Variants in HS3ST3A1 observed in about 807,000 individuals in gnomAD.
The protein encoded by HS3ST3A1 is heparan sulfate-glucosamine 3-sulfotransferase 3A1.
Under a neutral mutation model 25.7 loss-of-function variants are expected in HS3ST3A1, and 19 were observed. The ratio of observed to expected loss-of-function variants is 0.74; its 90% CI spans 0.52 to 1.08. HS3ST3A1 has a LOEUF of 1.08. Among genes scored for constraint, HS3ST3A1 ranks in the 50% least tolerant of loss-of-function variants. The pLI is 0.00. For missense variants in HS3ST3A1, 459 were observed against 594.3 expected (o/e 0.77, Z 2.37); for synonymous variants, 226 against 278.6 (o/e 0.81, Z 1.88).
chr17:13,547,641 G>C (rs1358847007), intron 1 of HS3ST3A1, among the ~76,000 whole-genome samples: 1 of 152,102 alleles, frequency 6.6e-6, no homozygotes, highest in Admixed American at 6.5e-5. Context: ...TTCTTGAGTT[G>C]TATTCTTGAC....
intron 1 of HS3ST3A1, among the ~76,000 whole-genome samples, chr17:13,587,548 AAC>A (rs1481263943): frequency 6.6e-6 from 1 of 152,226 alleles, no homozygotes; most frequent in African/African-American, 2.4e-5. Flanking sequence ...ATGAGTGAAT[AAC>A]ACGCTGTTTC....
intron 1 of HS3ST3A1, among the ~76,000 whole-genome samples, chr17:13,560,304 A>AG (rs1467837121): frequency 1.4e-5 from 2 of 141,456 alleles, no homozygotes; most frequent in Non-Finnish European, 3.1e-5. Context: ...AAAAAAAAAA[A>AG]AAAAAAAAAA....
At chr17:13,506,837 G>A (rs573263492) in intron 1 of HS3ST3A1, among the ~76,000 whole-genome samples, 25 of 151,082 alleles carry the variant, frequency 1.7e-4, no homozygotes, top group East Asian at 9.8e-4. Flanking sequence ...CGGGTGGATC[G>A]CCTGAGCTCA....
chr17:13,505,277 A>T (rs935771651), intron 1 of HS3ST3A1, among the ~76,000 whole-genome samples: 1 of 152,210 alleles, frequency 6.6e-6, no homozygotes, highest in Non-Finnish European at 1.5e-5. Flanking sequence ...GGAACCTGAG[A>T]GAGTTATCCA....
At chr17:13,509,372 T>A (rs1905787527) in intron 1 of HS3ST3A1, among the ~76,000 whole-genome samples, 1 of 151,866 alleles carries the variant, frequency 6.6e-6, no homozygotes, top group African/African-American at 2.4e-5. Flanking sequence ...TAGAGAAAAA[T>A]TAAAAGCACA....
At chr17:13,529,614 T>A (rs1274320670) in intron 1 of HS3ST3A1, among the ~76,000 whole-genome samples, 3 of 152,204 alleles carry the variant, frequency 2.0e-5, no homozygotes, top group Non-Finnish European at 4.4e-5. Context: ...ACTTTAAAAG[T>A]CTACTGTAAA....
chr17:13,582,150 C>T (rs1405966382), intron 1 of HS3ST3A1, among the ~76,000 whole-genome samples: 1 of 151,988 alleles, frequency 6.6e-6, no homozygotes, highest in Non-Finnish European at 1.5e-5. Context: ...GGGGAAACAA[C>T]TCGTTTGGCA....
intron 1 of HS3ST3A1, among the ~76,000 whole-genome samples, chr17:13,588,231 C>T (rs1407795215): frequency 6.6e-6 from 1 of 151,998 alleles, no homozygotes; most frequent in African/African-American, 2.4e-5. Flanking sequence ...ACTGTACCAC[C>T]CACAAAACCT....
In HS3ST3A1 at chr17:13,601,008, C is replaced by A. The variant is rs1473346515; in HGVS notation, c.122G>T (p.Cys41Phe). Residue 41 changes from cysteine (C) to phenylalanine (F), a missense_variant, in exon 1 of 2, where the codon TGC becomes TTC. Physicochemically the swap from Cys to Phe is radical, Grantham distance 205 (BLOSUM62 -2). Transcript: ENST00000284110. ...SLLTSLYVFY[C>F]LAERCQTLSG... is the part of the protein sequence containing the mutation. ...CAGGGTCTGGCAGCGCTCGGCCAGG[C>A]AGTAGAAGACGTAAAGGGACGTGAG... The A allele has an allele frequency of 1.4e-5, 22 of 1,584,276 alleles. No homozygotes were observed. The highest frequency in any genetic ancestry group is 1.9e-5 in the Non-Finnish European group (22 of 1,165,600).
intron 1 of HS3ST3A1, among the ~76,000 whole-genome samples, chr17:13,519,007 A>G (rs1906140690): frequency 6.6e-6 from 1 of 152,232 alleles, no homozygotes; most frequent in Non-Finnish European, 1.5e-5. Context: ...GATAGGCTAT[A>G]TTTGTATATA....
At position 13,496,170 on chromosome 17, in the gene HS3ST3A1, T is replaced by C; in HGVS notation, c.*27A>G. On this transcript the variant is annotated 3_prime_UTR_variant, in exon 2 of 2. Coordinates refer to ENST00000284110, the MANE Select transcript of HS3ST3A1 (RefSeq NM_006042.3). ...GGTAAAAAAATATATTATATTTTGA[T>C]TTTTTTTTTCTTTTTAAATTATATG... 3 of 1,370,156 alleles carry C rather than the reference T, an allele frequency of 2.2e-6. No individual in the cohort carries two copies. The highest frequency in any genetic ancestry group is 2.8e-6 in the Non-Finnish European group (3 of 1,063,332). 84.9% of individuals were successfully genotyped at this position (1,370,156 alleles called of 1,614,324 possible).
At chr17:13,600,394 A>G in intron 1 of HS3ST3A1, 137 bp downstream of exon 1, 1 of 1,380,384 alleles carries the variant, frequency 7.2e-7, no homozygotes, top group South Asian at 1.6e-5. Context: ...AGAGGGAAGA[A>G]AGACCCTTGA....
Position 13,521,526 on chromosome 17 carries a change from T to C in HS3ST3A1, c.600-24708A>G, listed in dbSNP as rs950076021. Among the ~76,000 whole-genome samples the C allele has an allele frequency of 2.0e-5, 3 of 152,102 alleles. No homozygotes were observed. In the East Asian group the frequency reaches 5.8e-4, roughly 29 times the overall value. ...TAGTTCTAACCCAACACAGCTAATC[T>C]CCCCGAGTGATGAATCCGCTTTCAT... On this transcript the variant is annotated intron_variant, in intron 1 of 1. Coordinates refer to ENST00000284110, the MANE Select transcript of HS3ST3A1 (RefSeq NM_006042.3).
intron 1 of HS3ST3A1, among the ~76,000 whole-genome samples, chr17:13,544,210 C>T (rs7220804): frequency 0.87 from 132,927 of 152,154 alleles, 58,307 homozygotes; most frequent in African/African-American, 0.95. Context: ...TATAACTGTG[C>T]TTCTCATGAA....
intron 1 of HS3ST3A1, among the ~76,000 whole-genome samples, chr17:13,577,372 C>A (rs1907971141): frequency 1.3e-5 from 2 of 152,190 alleles, no homozygotes; most frequent in Non-Finnish European, 1.5e-5. Flanking sequence ...ATTATCAGTT[C>A]ATTGTATTCC....
chr17:13,502,872 A>T (rs1478036135), intron 1 of HS3ST3A1, among the ~76,000 whole-genome samples: 1 of 126,342 alleles, frequency 7.9e-6, no homozygotes, highest in African/African-American at 2.9e-5. Context: ...TAAAGGAGTA[A>T]CTATAATGAA....
intron 1 of HS3ST3A1, among the ~76,000 whole-genome samples, chr17:13,598,532 G>A (rs1908640609): frequency 6.6e-6 from 1 of 152,100 alleles, no homozygotes; most frequent in South Asian, 2.1e-4. Context: ...AGTCTACTGT[G>A]CAGTTATTTT....
At chr17:13,567,779 C>T (rs1907710509) in intron 1 of HS3ST3A1, among the ~76,000 whole-genome samples, 1 of 152,148 alleles carries the variant, frequency 6.6e-6, no homozygotes, top group African/African-American at 2.4e-5. Flanking sequence ...AAACCTTGAA[C>T]CGATAATGAG....
At position 13,601,315 on chromosome 17, in the gene HS3ST3A1, G is replaced by A. The variant is rs575423976; in HGVS notation, c.-186C>T. On this transcript the variant is annotated 5_prime_UTR_variant, in exon 1 of 2. Coordinates refer to ENST00000284110, the MANE Select transcript of HS3ST3A1 (RefSeq NM_006042.3). ...TCCGCGGGGAAACGGAATCCCGGGGGCCCCGCGCAGGATCCCTGCCTCCAG... is the reference window on the plus strand; with the variant it reads ...TCCGCGGGGAAACGGAATCCCGGGGACCCCGCGCAGGATCCCTGCCTCCAG... 7.8e-6 allele frequency: 4 copies of A among 512,160 alleles called. No individual in the cohort carries two copies. Among genetic ancestry groups the A allele is most frequent in the Non-Finnish European group, 1.3e-5 (4 of 297,940 alleles). The allele number at this position is 512,160 out of a possible 1,614,324, so 31.7% of individuals were successfully genotyped here. A position where few individuals can be genotyped will look rare whatever the true frequency, so the allele number is the denominator to read the frequency against.
Sources: gnomAD v4.1 joint callset for allele counts (sites outside exome capture counted in the v4.1 genomes callset) on GRCh38, gnomAD v4.1.1 for gene constraint, MANE v1.5 for transcripts, NCBI Gene and HGNC (gene_info 2026-07-23, HGNC 2026-07-21) for gene names.